Variants in ANO1 observed in about 807,000 individuals in gnomAD.
The protein encoded by ANO1 is anoctamin-1.
A neutral mutation model predicts 124.0 loss-of-function variants in ANO1; 59 were observed. The ratio of observed to expected loss-of-function variants is 0.48; its 90% CI spans 0.39 to 0.59. ANO1 has a LOEUF of 0.59. Among genes scored for constraint, ANO1 ranks in the 20% least tolerant of loss-of-function variants. The pLI is 0.00. For synonymous variants in ANO1, 529 were observed against 532.0 expected (o/e 0.99, Z 0.08); for missense variants, 1,059 against 1,328.0 (o/e 0.80, Z 3.15).
chr11:70,172,119 TAAAAAAAAAAA>T (rs367908728), intron 22 of ANO1, among the ~76,000 whole-genome samples: 6 of 120,500 alleles, frequency 5.0e-5, no homozygotes, highest in African/African-American at 1.9e-4. Flanking sequence ...GAACCTGTCT[TAAAAAAAAAAA>T]AAAAAAGAAA....
chr11:70,182,500 A>T lies in ANO1; in HGVS notation c.2404-2A>T. 1 of 1,569,224 alleles carries T rather than the reference A, an allele frequency of 6.4e-7. No individual in the cohort carries two copies. ...CCCCTCACTGCCATGTCCCCTGCAC[A>T]GGCCTTCGTGATCTCCTTCACGTCT... On this transcript the variant is annotated splice_acceptor_variant, in intron 23 of 25. Coordinates refer to ENST00000355303, the MANE Select transcript of ANO1 (RefSeq NM_018043.7). LOFTEE classifies it high-confidence loss of function.
chr11:70,161,437 T>C, intron 17 of ANO1, 75 bp downstream of exon 17: 1 of 1,525,642 alleles, frequency 6.6e-7, no homozygotes, highest in Non-Finnish European at 9.0e-7. Context: ...TGTGCATCCT[T>C]GAGTTTGTTG....
intron 1 of ANO1, among the ~76,000 whole-genome samples, chr11:70,057,675 A>T (rs1201908922): frequency 1.3e-5 from 2 of 152,076 alleles, no homozygotes; most frequent in African/African-American, 4.8e-5. Context: ...CAGGGGAGGA[A>T]TGTCACAAGG....
At chr11:70,161,811 G>A (rs975286092) in intron 18 of ANO1, 78 bp downstream of exon 18, 2 of 1,424,810 alleles carry the variant, frequency 1.4e-6, no homozygotes, top group African/African-American at 2.8e-5. Context: ...ACAGGTTGGG[G>A]GCACCTGGAG....
rs1555000786 is a variant in ANO1 at position 70,010,158 on chromosome 11, T to TGCGCGCGC, written c.58+23993_58+23994insCGCGCGCG. ...TGGTGTGTGTGTGTGTGTGTGTGTG[T>TGCGCGCGC]GTGTGTGCGCGTGTGTGTGTGTATA... On this transcript the variant is annotated intron_variant, in intron 1 of 27. Transcript: ENST00000531349. Among the ~76,000 whole-genome samples the TGCGCGCGC allele has an allele frequency of 3.3e-3, 206 of 62,650 alleles. 14 individuals carry two copies. Among genetic ancestry groups the TGCGCGCGC allele is most frequent in the Middle Eastern group, 0.017 (2 of 120 alleles). The allele number at this position is 62,650 out of a possible 152,430, so 41.1% of individuals were successfully genotyped here.
intron 8 of ANO1, among the ~76,000 whole-genome samples, chr11:70,123,090 G>T (rs1057503216): frequency 6.6e-6 from 1 of 152,126 alleles, no homozygotes; most frequent in Non-Finnish European, 1.5e-5. Flanking sequence ...AGGAGAGATC[G>T]CATCCTTCAG....
chr11:70,132,069 G>A lies in ANO1; in HGVS notation c.1248G>A (p.Met416Ile), dbSNP rs1391598466. The change falls in exon 11 of 26, where the codon ATG (methionine) becomes ATA (isoleucine). Residue 416 changes from methionine (M) to isoleucine (I), a missense_variant. Physicochemically the swap from Met to Ile is conservative, Grantham distance 10. Coordinates refer to ENST00000355303, the MANE Select transcript of ANO1 (RefSeq NM_018043.7). ...CCACGGTCTTCTTCTCTGTCTTCAT[G>A]GCCCTCTGGGGTAAGCAGGGCTCCA... ...NPATVFFSVF[M>I]ALWAATFMEH... The A allele has an allele frequency of 5.0e-6, 8 of 1,593,308 alleles. No individual in the cohort carries two copies. The highest frequency in any genetic ancestry group is 6.8e-6 in the Non-Finnish European group (8 of 1,173,904).
In ANO1 at chr11:70,078,791, C is replaced by T. The variant is rs140640010; in HGVS notation, c.108+77C>T. Reference sequence around the variant, plus strand: ...GGCGAGGGCGGGAACCGGGCGGCGGCAGGGCCTCCTGGGACCCCAGGGCGG... The same window carrying T: ...GGCGAGGGCGGGAACCGGGCGGCGGTAGGGCCTCCTGGGACCCCAGGGCGG... On this transcript the variant is annotated intron_variant, in intron 1 of 25. Coordinates refer to ENST00000355303, the MANE Select transcript of ANO1 (RefSeq NM_018043.7). 1.9e-3 allele frequency: 1,939 copies of T among 1,000,456 alleles called. 32 individuals carry two copies. The African/African-American group carries it at 0.031, about 16-fold the overall frequency. The allele number at this position is 1,000,456 out of a possible 1,614,324, so 62.0% of individuals were successfully genotyped here. A position where few individuals can be genotyped will look rare whatever the true frequency, so the allele number is the denominator to read the frequency against.
intron 22 of ANO1, among the ~76,000 whole-genome samples, chr11:70,171,770 C>A (rs962197149): frequency 2.0e-5 from 3 of 152,138 alleles, no homozygotes; most frequent in African/African-American, 4.8e-5. Flanking sequence ...AGTTCAAGAC[C>A]AGCCTAGGCA....
chr11:70,177,582 T>C lies in ANO1; in HGVS notation c.2351-2422T>C, dbSNP rs1214241387. Among the ~76,000 whole-genome samples the C allele has an allele frequency of 9.0e-5, 13 of 144,194 alleles. No homozygotes were observed. In the Admixed American group the frequency reaches 9.4e-4, roughly 10 times the overall value. The allele number at this position is 144,194 out of a possible 152,430, so 94.6% of individuals were successfully genotyped here. ...AGCCGAGGAGTCTCGATTTTTCTTT[T>C]CTTTTTTTTTTCTTTTTTTTTTTTT... On this transcript the variant is annotated intron_variant, in intron 22 of 25. Transcript: ENST00000355303.
upstream of ANO1, among the ~76,000 whole-genome samples, chr11:70,074,592 A>T (rs1025000599): frequency 6.6e-6 from 1 of 152,092 alleles, no homozygotes; most frequent in Non-Finnish European, 1.5e-5. Context: ...GGGACTGATA[A>T]AGCTGGCCCC....
chr11:70,013,827 A>AAGAAAAGAAT (rs1555001475), intron 1 of ANO1, among the ~76,000 whole-genome samples: 1 of 151,938 alleles, frequency 6.6e-6, no homozygotes, highest in African/African-American at 2.4e-5. Context: ...AAGAAAAGAA[A>AAGAAAAGAAT]AAGTGTCACT....
At chr11:70,064,175 G>C (rs912177272) in intron 1 of ANO1, 2 of 152,260 alleles carry the variant, frequency 1.3e-5, no homozygotes, top group African/African-American at 2.4e-5. Context: ...AGTAGGTCTG[G>C]CCTGATGGAG....
At chr11:69,999,425 G>A (rs73514546) in intron 1 of ANO1, among the ~76,000 whole-genome samples, 8 of 152,166 alleles carry the variant, frequency 5.3e-5, no homozygotes, top group Non-Finnish European at 1.2e-4. Flanking sequence ...ACGACATTTC[G>A]ATATGAGATT....
At chr11:70,105,448 CT>C (rs1186606769) in intron 4 of ANO1, among the ~76,000 whole-genome samples, 1 of 140,504 alleles carries the variant, frequency 7.1e-6, no homozygotes, top group Non-Finnish European at 1.6e-5. Flanking sequence ...CAGGGATCTT[CT>C]GGGGGGCTGT....
At chr11:69,991,050 G>C (rs1274594047) in intron 1 of ANO1, among the ~76,000 whole-genome samples, 1 of 152,112 alleles carries the variant, frequency 6.6e-6, no homozygotes, top group Non-Finnish European at 1.5e-5. Context: ...ATTCAAGGTT[G>C]CAATGATCTA....
Position 70,182,535 on chromosome 11 carries a change from C to G in ANO1, c.2437C>G (p.Pro813Ala). ...FVISFTSDFIPRLVYLYMYSK... is the reference protein window; with the variant it reads ...FVISFTSDFIARLVYLYMYSK... ...GATCTCCTTCACGTCTGACTTCATCCCGCGCCTGGTGTACCTCTACATGTA... is the reference window on the plus strand; with the variant it reads ...GATCTCCTTCACGTCTGACTTCATCGCGCGCCTGGTGTACCTCTACATGTA... The change falls in exon 24 of 26, where the codon CCG becomes GCG. Residue 813 changes from proline to alanine, a missense_variant. By Grantham distance (27) the Pro-to-Ala change is conservative (BLOSUM62 -1). This residue lies in a region of ANO1 where 809 missense variants were observed against 1,094.9 expected (regional missense o/e 0.74). Coordinates refer to ENST00000355303, the MANE Select transcript of ANO1 (RefSeq NM_018043.7). 1 of 1,604,366 alleles carries G rather than the reference C, an allele frequency of 6.2e-7. No homozygotes were observed. Among genetic ancestry groups the G allele is most frequent in the Non-Finnish European group, 8.5e-7 (1 of 1,175,294 alleles).
rs1390377652 is a variant in ANO1 at position 70,188,036 on chromosome 11, G to T, written c.*32G>T. The stretch of plus-strand genomic sequence containing the variant: ...CAGCGGGGCTGGGCAGGCCAGCCGG[G>T]CATCCTGACCGATGGGCACCCTCTC... On this transcript the variant is annotated 3_prime_UTR_variant, in exon 26 of 26. Coordinates refer to ENST00000355303, the MANE Select transcript of ANO1 (RefSeq NM_018043.7). 8.4e-6 allele frequency: 13 copies of T among 1,539,246 alleles called. No individual in the cohort carries two copies. The highest frequency in any genetic ancestry group is 1.1e-5 in the Non-Finnish European group (13 of 1,142,820).
intron 24 of ANO1, 127 bp downstream of exon 24, chr11:70,182,813 A>G (rs1479341582): frequency 2.1e-6 from 2 of 946,082 alleles, no homozygotes; most frequent in Admixed American, 3.6e-5. Context: ...AAAGAAGAAG[A>G]AGGAAAAAAA....
Sources: allele counts gnomAD v4.1 joint callset (sites outside exome capture counted in the v4.1 genomes callset), GRCh38; gene constraint gnomAD v4.1.1; regional missense constraint gnomAD v4.1.1; transcripts MANE v1.5; gene names NCBI Gene and HGNC (gene_info 2026-07-23, HGNC 2026-07-21).